FAM174A: variants seen among roughly 807,000 people sequenced by gnomAD.
FAM174A encodes the protein family with sequence similarity 174 member A, also known as membrane protein FAM174A.
A neutral mutation model predicts 14.3 loss-of-function variants in FAM174A; 14 were observed. The observed-to-expected ratio is 0.98, with a 90% CI of 0.65 to 1.53. The LOEUF (loss-of-function observed/expected upper bound fraction) is 1.53, where lower values mean the gene tolerates loss of function less well. Ranked by LOEUF, FAM174A falls within the 40% of genes most tolerant of loss-of-function variation. The probability of loss-of-function intolerance (pLI) is 0.00; values close to 1 mark genes in which losing one functional copy is unlikely to be tolerated. For missense variants in FAM174A, 241 were observed against 249.6 expected (o/e 0.97, Z 0.23); for synonymous variants, 108 against 111.4 (o/e 0.97, Z 0.19).
intron 1 of FAM174A, among the ~76,000 whole-genome samples, chr5:100,542,704 C>T (rs1346097057): frequency 6.6e-6 from 1 of 151,992 alleles, no homozygotes; most frequent in African/African-American, 2.4e-5. Context: ...TATTTAAAAA[C>T]TTATGTTACC....
intron 2 of FAM174A, among the ~76,000 whole-genome samples, chr5:100,563,136 T>A (rs1266264148): frequency 6.6e-6 from 1 of 151,836 alleles, no homozygotes; most frequent in Non-Finnish European, 1.5e-5. Flanking sequence ...CAAAGGAACT[T>A]TTAGTAATGC....
chr5:100,570,455 C>T (rs1746757197), intron 2 of FAM174A, among the ~76,000 whole-genome samples: 2 of 151,854 alleles, frequency 1.3e-5, no homozygotes, highest in Non-Finnish European at 2.9e-5. Flanking sequence ...TATTGTGGCT[C>T]ACTTCAGTAA....
At chr5:100,554,489 G>C (rs898489500) in intron 1 of FAM174A, among the ~76,000 whole-genome samples, 7 of 151,352 alleles carry the variant, frequency 4.6e-5, no homozygotes, top group African/African-American at 1.7e-4. Context: ...GCTAATTTTT[G>C]TATTTTTACT....
At chr5:100,573,354 C>T (rs1316317309) in intron 2 of FAM174A, among the ~76,000 whole-genome samples, 18 of 150,846 alleles carry the variant, frequency 1.2e-4, no homozygotes, top group Non-Finnish European at 1.3e-4. Context: ...TGGTAATGCC[C>T]AGGTTTTCTT....
intron 2 of FAM174A, among the ~76,000 whole-genome samples, chr5:100,576,510 G>A (rs1746909548): frequency 6.6e-6 from 1 of 152,126 alleles, no homozygotes. Context: ...CTCCAACACA[G>A]TTGTTTCTTA....
intron 1 of FAM174A, among the ~76,000 whole-genome samples, chr5:100,548,645 C>T (rs910438887): frequency 6.6e-6 from 1 of 152,040 alleles, no homozygotes; most frequent in Non-Finnish European, 1.5e-5. Flanking sequence ...TTCACTGTCC[C>T]ACATTTAATT....
intron 1 of FAM174A, among the ~76,000 whole-genome samples, chr5:100,542,358 A>G (rs1359000830): frequency 6.6e-6 from 1 of 152,196 alleles, no homozygotes; most frequent in Non-Finnish European, 1.5e-5. Context: ...TAACACCATC[A>G]TCTACACAGT....
rs1424095820 is a variant in FAM174A, at chr5:100,535,834, G to A, written c.304G>A (p.Glu102Lys). Residue 102 changes from glutamate to lysine, a missense_variant, in exon 1 of 3, where the codon GAA becomes AAA. Transcript: ENST00000312637. ...ETDDHGGKAG[E>K]GSVGGGLAVS... is the part of the protein sequence containing the mutation. ...GGACGATCACGGAGGGAAGGCCGGG[G>A]AAGGCTCGGTGGGTGGCGGCCTTGC... is the stretch of plus-strand genomic sequence containing the variant. The A allele has an allele frequency of 2.5e-6, 4 of 1,611,784 alleles. No individual in the cohort carries two copies. The highest frequency in any genetic ancestry group is 3.4e-6 in the Non-Finnish European group (4 of 1,179,874).
intron 1 of FAM174A, among the ~76,000 whole-genome samples, chr5:100,540,053 G>A (rs568855133): frequency 9.9e-5 from 15 of 152,158 alleles, no homozygotes; most frequent in African/African-American, 2.6e-4. Context: ...TTAAAGAAAC[G>A]TCTGTTAATA....
intron 2 of FAM174A, among the ~76,000 whole-genome samples, chr5:100,585,090 T>A (rs534925250): frequency 6.6e-6 from 1 of 152,318 alleles, no homozygotes; most frequent in East Asian, 1.9e-4. Context: ...AGATGATTAG[T>A]GTCACGTGGT....
At chr5:100,539,092 A>G (rs1436035305) in intron 1 of FAM174A, among the ~76,000 whole-genome samples, 1 of 152,048 alleles carries the variant, frequency 6.6e-6, no homozygotes, top group Non-Finnish European at 1.5e-5. Context: ...TTTAAAAAAA[A>G]TCTCTATGCT....
chr5:100,535,759 CG>C lies in FAM174A; in HGVS notation c.233del (p.Gly78AlafsTer34). ...TGGTCTGGCTGAAGCTGCGGGGCCGCGGGGCTCCGAGGGAGGCAATGGCAGC... is the reference window on the plus strand; with the variant it reads ...TGGTCTGGCTGAAGCTGCGGGGCCGCGGGCTCCGAGGGAGGCAATGGCAGC... Reference protein sequence around the residue: ...GRGLAEAAGPRGSEGGNGSNP... With the variant: ...GRGLAEAAGPXGSEGGNGSNP... On this transcript the variant is annotated frameshift_variant, in exon 1 of 3. Transcript: ENST00000312637. LOFTEE classifies it high-confidence loss of function. 1 of 1,604,090 alleles carries C rather than the reference CG, an allele frequency of 6.2e-7. No individual in the cohort carries two copies.
At chr5:100,546,851 CTGTGTA>C (rs1308024563) in intron 1 of FAM174A, among the ~76,000 whole-genome samples, 1 of 152,082 alleles carries the variant, frequency 6.6e-6, no homozygotes, top group Non-Finnish European at 1.5e-5. Context: ...CGACTGCTTA[CTGTGTA>C]TATTTTTTTC....
chr5:100,577,241 A>T (rs907681809), intron 2 of FAM174A, among the ~76,000 whole-genome samples: 4 of 152,110 alleles, frequency 2.6e-5, no homozygotes, highest in Non-Finnish European at 5.9e-5. Flanking sequence ...TTTTAAAATC[A>T]TTTAAATAAT....
At chr5:100,553,506 A>G (rs1746305589) in intron 1 of FAM174A, among the ~76,000 whole-genome samples, 1 of 152,112 alleles carries the variant, frequency 6.6e-6, no homozygotes, top group Non-Finnish European at 1.5e-5. Context: ...GAGCAAAGAC[A>G]TTTTTAGAGA....
At chr5:100,571,322 A>G (rs1033734047) in intron 2 of FAM174A, among the ~76,000 whole-genome samples, 2 of 151,684 alleles carry the variant, frequency 1.3e-5, no homozygotes, top group African/African-American at 4.8e-5. Context: ...GATAGAACAA[A>G]TGAGTGAAAC....
chr5:100,545,411 CT>C (rs1391688736), intron 1 of FAM174A, among the ~76,000 whole-genome samples: 8 of 150,872 alleles, frequency 5.3e-5, no homozygotes, highest in South Asian at 4.2e-4. Context: ...TTTAATAATC[CT>C]TTTTTTTTCT....
intron 1 of FAM174A, among the ~76,000 whole-genome samples, chr5:100,553,954 G>C (rs62389123): frequency 0.016 from 2,431 of 152,202 alleles, 31 homozygotes; most frequent in Admixed American, 0.038. Context: ...TTGTTTGTTT[G>C]TTTTGAGACT....
In FAM174A at chr5:100,574,240, G is replaced by A. The variant is rs147492661; in HGVS notation, c.570-11941G>A. ...ATCTTGCTCTGTCACCCAAGCTGGAGTGCAGTGGCACTATCTCGGCTCACT... is the reference window on the plus strand; with the variant it reads ...ATCTTGCTCTGTCACCCAAGCTGGAATGCAGTGGCACTATCTCGGCTCACT... On this transcript the variant is annotated intron_variant, in intron 2 of 2. Transcript: ENST00000312637. 5.7e-3 allele frequency among the ~76,000 whole-genome samples: 863 copies of A among 152,138 alleles called. 4 individuals are homozygous for A. Among genetic ancestry groups the A allele is most frequent in the Non-Finnish European group, 9.8e-3 (665 of 67,990 alleles).
Sources: allele counts gnomAD v4.1 joint callset (sites outside exome capture counted in the v4.1 genomes callset), GRCh38; gene constraint gnomAD v4.1.1; transcripts MANE v1.5; gene names NCBI Gene and HGNC (gene_info 2026-07-23, HGNC 2026-07-21).